Variants in EPGN observed in about 807,000 individuals in gnomAD.
EPGN encodes the protein epigen.
Under a neutral mutation model 20.7 loss-of-function variants are expected in EPGN, and 21 were observed. That is an observed-to-expected ratio of 1.01 (90% CI 0.72 to 1.46). The LOEUF is 1.46. Among genes scored for constraint, EPGN ranks in the 40% most tolerant of loss-of-function variants. The pLI is 0.00. For synonymous variants in EPGN, 69 were observed against 63.8 expected, an observed-to-expected ratio of 1.08 and a Z score of -0.39; for missense variants, 199 against 180.7, an observed-to-expected ratio of 1.10 and a Z score of -0.58.
chr4:74,308,715 A>G, intron 1 of EPGN, 139 bp downstream of exon 1: 1 of 698,404 alleles, frequency 1.4e-6, no homozygotes, highest in Non-Finnish European at 2.3e-6. Context: ...TCTGTGGATT[A>G]ATTTAGTTTC....
In EPGN at chr4:74,314,485, A is replaced by G. The variant is rs928523573; in HGVS notation, c.408-95A>G. On this transcript the variant is annotated intron_variant, in intron 4 of 4. Coordinates refer to ENST00000413830, the MANE Select transcript of EPGN (RefSeq NM_001270989.2). ...TGGGTAAAGGGGATCTGGGTGGGAC[A>G]CCAAGAGCAACTGCTGCAGGGTGCA... 2.4e-6 allele frequency: 3 copies of G among 1,267,686 alleles called. No homozygotes were observed. The African/African-American group carries it at 4.4e-5, about 19-fold the overall frequency. The allele number at this position is 1,267,686 out of a possible 1,614,324, so 78.5% of individuals were successfully genotyped here. A position where few individuals can be genotyped will look rare whatever the true frequency, so the allele number is the denominator to read the frequency against.
In EPGN at chr4:74,308,590, T is replaced by A. The variant is rs1422287256; in HGVS notation, c.43+14T>A. On this transcript the variant is annotated intron_variant, in intron 1 of 4. Coordinates refer to ENST00000413830, the MANE Select transcript of EPGN (RefSeq NM_001270989.2). ...TTTTATTCAACGGTAGGTAATTTCC[T>A]TTTGTTTTGTTAACTTTATATCAGT... 1 of 1,606,440 alleles carries A rather than the reference T, an allele frequency of 6.2e-7. No individual in the cohort carries two copies. The highest frequency in any genetic ancestry group is 1.3e-5 in the African/African-American group (1 of 74,704).
chr4:74,313,325 G>A, intron 4 of EPGN, 155 bp downstream of exon 4: 3 of 1,404,696 alleles, frequency 2.1e-6, no homozygotes, highest in Non-Finnish European at 2.7e-6. Context: ...TATTTTTCAT[G>A]CCTTTTCTCA....
At chr4:74,311,433 A>G (rs568057518) in intron 2 of EPGN, among the ~76,000 whole-genome samples, 15 of 152,308 alleles carry the variant, frequency 9.8e-5, no homozygotes, top group African/African-American at 3.1e-4. Context: ...CATTTTTAAT[A>G]TAAAAAAGAA....
chr4:74,311,560 CA>C (rs1205155151), intron 2 of EPGN, among the ~76,000 whole-genome samples: 5 of 151,978 alleles, frequency 3.3e-5, no homozygotes, highest in Non-Finnish European at 7.4e-5. Context: ...ATAAAAATGA[CA>C]AGTAAAATCC....
intron 4 of EPGN, chr4:74,313,669 TA>T: frequency 1.1e-6 from 1 of 941,484 alleles, no homozygotes; most frequent in Non-Finnish European, 1.3e-6. Context: ...TGTCTCCTGC[TA>T]AAAACCTAAG....
At chr4:74,314,468 G>A in intron 4 of EPGN, 112 bp from the exon 5 acceptor site, 2 of 1,029,620 alleles carry the variant, frequency 1.9e-6, no homozygotes, top group African/African-American at 1.6e-5. Flanking sequence ...AATGGGTAAA[G>A]GGGATCTGGG....
In EPGN at chr4:74,315,564, A is replaced by AC. The variant is rs1169817977; in HGVS notation, c.*927_*928insC. Among the ~76,000 whole-genome samples the AC allele has an allele frequency of 1.3e-5, 2 of 152,242 alleles. No homozygotes were observed. The highest frequency in any genetic ancestry group is 2.9e-5 in the Non-Finnish European group (2 of 68,044). On this transcript the variant is annotated 3_prime_UTR_variant, in exon 5 of 5. Coordinates refer to ENST00000413830, the MANE Select transcript of EPGN (RefSeq NM_001270989.2). Reference sequence around the variant, plus strand: ...TAGAATTTTTTCACCAGACCACAGCATGTGGAAACTTTCTTTATCATTTTT... The same window carrying AC: ...TAGAATTTTTTCACCAGACCACAGCACTGTGGAAACTTTCTTTATCATTTTT...
Position 74,313,126 on chromosome 4 carries a change from A to C in EPGN, c.363A>C (p.Leu121=). 1 of 1,612,366 alleles carries C rather than the reference A, an allele frequency of 6.2e-7. No individual in the cohort carries two copies. The highest frequency in any genetic ancestry group is 8.5e-7 in the Non-Finnish European group (1 of 1,179,362). The stretch of plus-strand genomic sequence containing the variant: ...CAATTGGGATTGGTGTTGGATTACT[A>C]TTAAGTGGTTTTCTTGTTATTTTTT... The part of the protein sequence containing the change: ...YIAIGIGVGL[L]LSGFLVIFYC... Residue 121 remains leucine (L), a synonymous_variant, in exon 4 of 5, where the codon CTA becomes CTC. Transcript: ENST00000413830.
chr4:74,313,861 C>T (rs1751127694), intron 4 of EPGN, among the ~76,000 whole-genome samples: 2 of 152,096 alleles, frequency 1.3e-5, no homozygotes, highest in African/African-American at 4.8e-5. Flanking sequence ...GTTGTCATTT[C>T]TAAATGACCA....
In EPGN at chr4:74,308,515, A is replaced by G; in HGVS notation, c.-19A>G. ...CAGTCTAGAAGGATAAGAGAAAGAAAGTTAAGCAACTACAGGAAATGGCTT... is the reference window on the plus strand; with the variant it reads ...CAGTCTAGAAGGATAAGAGAAAGAAGGTTAAGCAACTACAGGAAATGGCTT... On this transcript the variant is annotated 5_prime_UTR_variant, in exon 1 of 5. Coordinates refer to ENST00000413830, the MANE Select transcript of EPGN (RefSeq NM_001270989.2). The G allele has an allele frequency of 1.9e-6, 3 of 1,605,942 alleles. No individual in the cohort carries two copies. The highest frequency in any genetic ancestry group is 1.7e-6 in the Non-Finnish European group (2 of 1,175,158).
In EPGN at chr4:74,314,554, A is replaced by G. The variant is rs754720368; in HGVS notation, c.408-26A>G. The G allele has an allele frequency of 8.1e-5, 125 of 1,535,166 alleles. 1 individual carries two copies. The East Asian group carries it at 2.8e-3, about 35-fold the overall frequency. On this transcript the variant is annotated intron_variant, in intron 4 of 4. Coordinates refer to ENST00000413830, the MANE Select transcript of EPGN (RefSeq NM_001270989.2). ...ACCTATATGAACCACAGTCAAATTC[A>G]TATGGAAACCAATGCTCTGTTTCAG... is the stretch of plus-strand genomic sequence containing the variant.
chr4:74,316,164 C>G lies in EPGN; in HGVS notation c.*1527C>G, dbSNP rs1751264341. 1.3e-5 allele frequency among the ~76,000 whole-genome samples: 2 copies of G among 152,042 alleles called. No individual in the cohort carries two copies. The highest frequency in any genetic ancestry group is 4.8e-5 in the African/African-American group (2 of 41,394). ...CTCAACATCAGCATGTTGAGATGGA[C>G]CTCAACCCCACCTCTAACCCTGAAA... On this transcript the variant is annotated 3_prime_UTR_variant, in exon 5 of 5. Coordinates refer to ENST00000413830, the MANE Select transcript of EPGN (RefSeq NM_001270989.2).
chr4:74,312,896 G>A, intron 3 of EPGN, 122 bp from the exon 4 acceptor site: 1 of 801,236 alleles, frequency 1.2e-6, no homozygotes, highest in East Asian at 2.9e-5. Context: ...GCTTTCATTT[G>A]GTATTTGCCT....
In EPGN at chr4:74,314,752, A is replaced by G. The variant is rs1751189563; in HGVS notation, c.*115A>G. 1.6e-5 allele frequency: 15 copies of G among 948,036 alleles called. No homozygotes were observed. Among genetic ancestry groups the G allele is most frequent in the Non-Finnish European group, 4.7e-6 (3 of 636,680 alleles). 58.7% of individuals were successfully genotyped at this position (948,036 alleles called of 1,614,324 possible). A position where few individuals can be genotyped will look rare whatever the true frequency, so the allele number is the denominator to read the frequency against. On this transcript the variant is annotated 3_prime_UTR_variant, in exon 5 of 5. Transcript: ENST00000413830. ...GCTGACTAGACTCGAAAATAATGAA[A>G]GTTGGGATCACAATGAAATGAGAAG...
At position 74,316,621 on chromosome 4, in the gene EPGN, T is replaced by TGGA. The variant is rs765292507; in HGVS notation, c.*1986_*1988dup. ...GCAAAGCTTACATCATACCAAGGAG[T>TGGA]GGAGAGTTGAAGTTTCCTCCCAGTG... is the stretch of plus-strand genomic sequence containing the variant. On this transcript the variant is annotated 3_prime_UTR_variant, in exon 5 of 5. Transcript: ENST00000413830. 1.3e-5 allele frequency among the ~76,000 whole-genome samples: 2 copies of TGGA among 151,806 alleles called. No homozygotes were observed. The highest frequency in any genetic ancestry group is 4.8e-5 in the African/African-American group (2 of 41,272).
Position 74,314,679 on chromosome 4 carries a change from A to G in EPGN, c.*42A>G. The G allele has an allele frequency of 6.6e-7, 1 of 1,510,898 alleles. No homozygotes were observed. The highest frequency in any genetic ancestry group is 8.9e-7 in the Non-Finnish European group (1 of 1,128,926). The allele number at this position is 1,510,898 out of a possible 1,614,324, so 93.6% of individuals were successfully genotyped here. On this transcript the variant is annotated 3_prime_UTR_variant, in exon 5 of 5. Coordinates refer to ENST00000413830, the MANE Select transcript of EPGN (RefSeq NM_001270989.2). ...TTTCATCAAGGCATCTGTAGAGATC[A>G]GTGAGCCCAAAATTAAAGTTTTCAG... is the stretch of plus-strand genomic sequence containing the variant.
intron 2 of EPGN, among the ~76,000 whole-genome samples, chr4:74,310,461 CA>C (rs10586282): frequency 0.024 from 1,016 of 43,228 alleles, 5 homozygotes; most frequent in African/African-American, 0.045. Context: ...GAGTCCGTCT[CA>C]AAAAAAAAAA....
intron 2 of EPGN, among the ~76,000 whole-genome samples, chr4:74,310,850 G>T (rs1351847751): frequency 1.3e-5 from 2 of 152,060 alleles, no homozygotes; most frequent in Non-Finnish European, 2.9e-5. Flanking sequence ...GCAAATAGTT[G>T]TTATACTGCA....
Sources: allele counts gnomAD v4.1 joint callset (sites outside exome capture counted in the v4.1 genomes callset), GRCh38; gene constraint gnomAD v4.1.1; transcripts MANE v1.5; gene names NCBI Gene and HGNC (gene_info 2026-07-23, HGNC 2026-07-21).